Variants in DAGLB observed in about 807,000 individuals in gnomAD.
DAGLB encodes diacylglycerol lipase-beta.
A neutral mutation model predicts 72.1 loss-of-function variants in DAGLB; 66 were observed. That is an observed-to-expected ratio of 0.92 (90% confidence interval 0.75 to 1.12). The LOEUF is 1.12. DAGLB is among the 50% of genes most tolerant of loss of function. The pLI is 0.00. For missense variants in DAGLB, 1,065 were observed against 884.9 expected (o/e 1.20, Z -2.58); for synonymous variants, 414 against 359.5 (o/e 1.15, Z -1.71).
intron 2 of DAGLB, among the ~76,000 whole-genome samples, chr7:6,441,521 G>A (rs374018712): frequency 1.4e-5 from 2 of 148,022 alleles, no homozygotes; most frequent in South Asian, 2.2e-4. Context: ...GAGTTCAAGC[G>A]ATTCTCCTGC....
intron 2 of DAGLB, 26 bp from the exon 3 acceptor site, chr7:6,436,559 G>A (rs1231932228): frequency 1.9e-6 from 3 of 1,613,264 alleles, no homozygotes; most frequent in Non-Finnish European, 2.5e-6. Flanking sequence ...CGTTCCGACT[G>A]CTCAGTTGCT....
intron 2 of DAGLB, among the ~76,000 whole-genome samples, chr7:6,438,460 CCT>C (rs1784732430): frequency 6.6e-6 from 1 of 152,036 alleles, no homozygotes; most frequent in Non-Finnish European, 1.5e-5. Context: ...GTAACACTAA[CCT>C]CTCTGAGGGG....
At chr7:6,415,984 G>C (rs1783899978) in intron 11 of DAGLB, among the ~76,000 whole-genome samples, 1 of 152,002 alleles carries the variant, frequency 6.6e-6, no homozygotes, top group African/African-American at 2.4e-5. Context: ...TGGGCGATGT[G>C]CCTACCAGGC....
intron 2 of DAGLB, among the ~76,000 whole-genome samples, chr7:6,443,045 C>T (rs577699629): frequency 1.1e-4 from 16 of 149,368 alleles, no homozygotes; most frequent in South Asian, 4.2e-4. Context: ...TAGCCAGGCA[C>T]GGTGGCGGGC....
At chr7:6,445,755 G>A (rs1784980242) in intron 2 of DAGLB, 198 bp downstream of exon 2, 2 of 558,028 alleles carry the variant, frequency 3.6e-6, no homozygotes, top group East Asian at 3.5e-5. Flanking sequence ...GAGCCACTGT[G>A]TCCCGCCTGG....
At chr7:6,442,099 C>G (rs561329315) in intron 2 of DAGLB, among the ~76,000 whole-genome samples, 1 of 152,274 alleles carries the variant, frequency 6.6e-6, no homozygotes, top group Admixed American at 6.5e-5. Context: ...AACCTTCCAC[C>G]AAACTCTCCC....
intron 4 of DAGLB, among the ~76,000 whole-genome samples, chr7:6,433,678 A>G (rs1173743487): frequency 6.6e-6 from 1 of 152,110 alleles, no homozygotes; most frequent in Admixed American, 6.6e-5. Context: ...TGTCTCTACT[A>G]TAAATACAAA....
intron 3 of DAGLB, 82 bp downstream of exon 3, chr7:6,436,280 T>C (rs1011441767): frequency 1.3e-6 from 2 of 1,500,208 alleles, no homozygotes; most frequent in African/African-American, 2.8e-5. Flanking sequence ...CGAGGGACGC[T>C]GGACTCTCTG....
intron 11 of DAGLB, among the ~76,000 whole-genome samples, chr7:6,415,802 G>T (rs983183478): frequency 6.7e-6 from 1 of 149,854 alleles, no homozygotes; most frequent in South Asian, 2.1e-4. Flanking sequence ...CCGAGATCAC[G>T]CCACTGCACT....
chr7:6,422,172 G>C (rs137905432), intron 8 of DAGLB: 3 of 363,676 alleles, frequency 8.2e-6, no homozygotes, highest in Non-Finnish European at 1.1e-5. Flanking sequence ...AGGTGAAACC[G>C]TGGAGAGGAG....
Position 6,436,349 on chromosome 7 carries a change from A to C in DAGLB, c.419+13T>G, listed in dbSNP as rs745828491. ...AATCCACTGAAACTCAAAGAGAAGA[A>C]GGGAGATGTCACCTGACCACGACGG... On this transcript the variant is annotated intron_variant, in intron 3 of 14. Coordinates refer to ENST00000297056, the MANE Select transcript of DAGLB (RefSeq NM_139179.4). 20 of 1,597,108 alleles carry C rather than the reference A, an allele frequency of 1.3e-5. No individual in the cohort carries two copies. In the South Asian group the frequency reaches 2.1e-4, roughly 17 times the overall value.
chr7:6,429,055 C>G (rs563067678), intron 6 of DAGLB, among the ~76,000 whole-genome samples: 1 of 152,050 alleles, frequency 6.6e-6, no homozygotes, highest in Admixed American at 6.6e-5. Flanking sequence ...CCGCTGGCCT[C>G]GACCTCCCAA....
At position 6,416,696 on chromosome 7, in the gene DAGLB, G is replaced by T. The variant is rs1349703502; in HGVS notation, c.1358C>A (p.Ala453Asp). The T allele has an allele frequency of 6.2e-7, 1 of 1,613,600 alleles. No individual in the cohort carries two copies. The highest frequency in any genetic ancestry group is 8.5e-7 in the Non-Finnish European group (1 of 1,179,840). The change falls in exon 11 of 15, where the codon GCC (alanine) becomes GAC (aspartate). Residue 453 changes from alanine (A) to aspartate (D), a missense_variant. Transcript: ENST00000297056. ...CGGGTAGGCGGCTCTGAGCATGGTGGCCAGCAGGGCGGCCGCCCCGCCCCC... is the reference window on the plus strand; with the variant it reads ...CGGGTAGGCGGCTCTGAGCATGGTGTCCAGCAGGGCGGCCGCCCCGCCCCC... Reference protein sequence around the residue: ...SLGGGAAALLATMLRAAYPQV... With the variant: ...SLGGGAAALLDTMLRAAYPQV...
intron 13 of DAGLB, among the ~76,000 whole-genome samples, chr7:6,410,878 GTAT>G (rs1236584356): frequency 1.8e-5 from 2 of 112,776 alleles, no homozygotes; most frequent in African/African-American, 3.6e-5. Flanking sequence ...CTAATTTTTT[GTAT>G]TTTTTTTTTT....
Position 6,409,888 on chromosome 7 carries a change from C to A in DAGLB, c.1968G>T (p.Ala656=), listed in dbSNP as rs143795237. Residue 656 remains alanine (A), a synonymous_variant, in exon 15 of 15, where the codon GCG becomes GCT. Transcript: ENST00000297056. ...CTTGTGCTGGACAGGAGACGCAGGC[C>A]GCTCTGTCGGAGACCACGCTGTCCA... ...RALDSVVSDR[A]ACVSCPAQGV... The A allele has an allele frequency of 6.2e-6, 10 of 1,613,978 alleles. No homozygotes were observed. Among genetic ancestry groups the A allele is most frequent in the Non-Finnish European group, 7.6e-6 (9 of 1,180,050 alleles).
At chr7:6,423,218 C>T (rs1784190309) in intron 8 of DAGLB, among the ~76,000 whole-genome samples, 2 of 152,150 alleles carry the variant, frequency 1.3e-5, no homozygotes, top group South Asian at 4.1e-4. Context: ...CCATCGTACT[C>T]CACCCTGGGC....
rs1315451759 is a variant in DAGLB at position 6,447,794 on chromosome 7, C to G, written c.49G>C (p.Asp17His). The change falls in exon 1 of 15, where the codon GAC (aspartate) becomes CAC (histidine). Residue 17 changes from aspartate to histidine, a missense_variant. Asp to His is a moderately conservative substitution (Grantham distance 81). Coordinates refer to ENST00000297056, the MANE Select transcript of DAGLB (RefSeq NM_139179.4). ...FGRRWAIASDDLVFPGFFELV... is the reference protein window; with the variant it reads ...FGRRWAIASDHLVFPGFFELV... ...TCGAAGAACCCTGGGAAGACCAAGT[C>G]GTCGCTGGCGATGGCCCAGCGCCGG... 1.9e-6 allele frequency: 3 copies of G among 1,613,660 alleles called. No individual in the cohort carries two copies. In the Admixed American group the frequency reaches 5.0e-5, roughly 27 times the overall value.
At chr7:6,422,265 C>T (rs988627886) in intron 8 of DAGLB, 20 of 295,294 alleles carry the variant, frequency 6.8e-5, no homozygotes, top group African/African-American at 3.9e-4. Context: ...GGGCAGCTCC[C>T]TGGAGGAGGT....
In DAGLB at chr7:6,409,137, C is replaced by T. The variant is rs907780685; in HGVS notation, c.*700G>A. 7 of 153,488 alleles carry T rather than the reference C, an allele frequency of 4.6e-5. No individual in the cohort carries two copies. Among genetic ancestry groups the T allele is most frequent in the Non-Finnish European group, 8.7e-5 (6 of 68,974 alleles). The allele number at this position is 153,488 out of a possible 1,614,324, so 9.5% of individuals were successfully genotyped here. A position where few individuals can be genotyped will look rare whatever the true frequency, so the allele number is the denominator to read the frequency against. Reference sequence around the variant, plus strand: ...GCTGTACACACAAGCACTATGGTGACGCGCGCTTTATTGTTTCAACTCCTG... The same window carrying T: ...GCTGTACACACAAGCACTATGGTGATGCGCGCTTTATTGTTTCAACTCCTG... On this transcript the variant is annotated 3_prime_UTR_variant, in exon 15 of 15. Transcript: ENST00000297056.
Sources: allele counts gnomAD v4.1 joint callset (sites outside exome capture counted in the v4.1 genomes callset), GRCh38; gene constraint gnomAD v4.1.1; transcripts MANE v1.5; gene names NCBI Gene and HGNC (gene_info 2026-07-23, HGNC 2026-07-21).